Variants in LRRC3C observed in about 807,000 individuals in gnomAD.
LRRC3C encodes the protein leucine-rich repeat-containing protein 3C.
LRRC3C carries 11 observed loss-of-function variants against 14.8 expected under a neutral mutation model. The ratio of observed to expected loss-of-function variants is 0.74; its 90% CI spans 0.47 to 1.23. LRRC3C has a LOEUF of 1.23. LRRC3C is among the 50% of genes most tolerant of loss of function. The probability of loss-of-function intolerance (pLI) is 0.00; values close to 1 mark genes in which losing one functional copy is unlikely to be tolerated. For synonymous variants in LRRC3C, 149 were observed against 161.5 expected (o/e 0.92, Z 0.59); for missense variants, 354 against 361.8 (o/e 0.98, Z 0.18).
At chr17:39,933,715 A>C (rs1194764439) in intron 1 of LRRC3C, among the ~76,000 whole-genome samples, 1 of 152,262 alleles carries the variant, frequency 6.6e-6, no homozygotes, top group Admixed American at 6.5e-5. Flanking sequence ...CCTGGGCGAC[A>C]GAGCAAGACT....
intron 3 of LRRC3C, among the ~76,000 whole-genome samples, chr17:39,942,886 G>T (rs772364483): frequency 6.6e-6 from 1 of 152,186 alleles, no homozygotes; most frequent in Non-Finnish European, 1.5e-5. Flanking sequence ...AGTTCTGCCC[G>T]CCAGGCCTGC....
chr17:39,943,879 G>A, intron 3 of LRRC3C, 54 bp from the exon 4 acceptor site: 1 of 1,508,760 alleles, frequency 6.6e-7, no homozygotes, highest in Non-Finnish European at 8.9e-7. Flanking sequence ...GCTGGCAGTG[G>A]GGCATGCGAT....
In LRRC3C at chr17:39,944,604, T is replaced by C; in HGVS notation, c.698T>C (p.Leu233Pro). Reference protein sequence around the residue: ...VALLVTMGGWLTLMVAYLVHY... With the variant: ...VALLVTMGGWPTLMVAYLVHY... ...CTGCTGGTCACCATGGGGGGCTGGCTGACACTCATGGTGGCTTATCTGGTG... is the reference window on the plus strand; with the variant it reads ...CTGCTGGTCACCATGGGGGGCTGGCCGACACTCATGGTGGCTTATCTGGTG... Residue 233 changes from leucine (L) to proline (P), a missense_variant, in exon 4 of 4, where the codon CTG becomes CCG. Transcript: ENST00000377924. 1 of 1,535,742 alleles carries C rather than the reference T, an allele frequency of 6.5e-7. No homozygotes were observed. Among genetic ancestry groups the C allele is most frequent in the Middle Eastern group, 1.7e-4 (1 of 5,990 alleles).
Position 39,935,814 on chromosome 17 carries a change from G to T in LRRC3C, c.-162G>T, listed in dbSNP as rs1978780642. ...CTCTTTTCTACAGGGAACAACAATA[G>T]CAGAGGCCTTTGTTGCCCTCTCCGC... is the stretch of plus-strand genomic sequence containing the variant. On this transcript the variant is annotated 5_prime_UTR_variant, in exon 2 of 4. An upstream open reading frame in the 5' UTR loses its in-frame stop. Transcript: ENST00000377924. 2.0e-6 allele frequency: 2 copies of T among 985,294 alleles called. No individual in the cohort carries two copies. Among genetic ancestry groups the T allele is most frequent in the Non-Finnish European group, 2.4e-6 (2 of 829,932 alleles). 61.0% of individuals were successfully genotyped at this position (985,294 alleles called of 1,614,324 possible).
At chr17:39,941,417 A>T in intron 2 of LRRC3C, 26 bp from the exon 3 acceptor site, 1 of 752,910 alleles carries the variant, frequency 1.3e-6, no homozygotes, top group South Asian at 1.7e-5. Flanking sequence ...CCCCCCACAC[A>T]CACCCCATTT....
At chr17:39,938,531 C>A (rs1234089990) in intron 2 of LRRC3C, among the ~76,000 whole-genome samples, 2 of 106,370 alleles carry the variant, frequency 1.9e-5, no homozygotes, top group Non-Finnish European at 1.9e-5. Flanking sequence ...ACCCTCATCT[C>A]TACAAAAAAA....
At chr17:39,942,132 A>T (rs1978958138) in intron 3 of LRRC3C, among the ~76,000 whole-genome samples, 1 of 152,210 alleles carries the variant, frequency 6.6e-6, no homozygotes, top group Non-Finnish European at 1.5e-5. Context: ...TAATGAAATC[A>T]TGGAGGAAGA....
chr17:39,934,674 A>G (rs536209206), intron 1 of LRRC3C: 2 of 152,366 alleles, frequency 1.3e-5, no homozygotes, highest in South Asian at 2.1e-4. Context: ...AGGGGTCCCG[A>G]TCCAGACACC....
intron 2 of LRRC3C, among the ~76,000 whole-genome samples, chr17:39,941,153 C>A (rs1003156623): frequency 1.8e-4 from 28 of 151,776 alleles, no homozygotes; most frequent in African/African-American, 6.0e-4. Flanking sequence ...AGTTCAAGAC[C>A]AGCCTGGCCA....
chr17:39,927,843 G>T, intron 1 of LRRC3C, 29 bp downstream of exon 1: 10 of 985,598 alleles, frequency 1.0e-5, no homozygotes, highest in Non-Finnish European at 1.2e-5. Flanking sequence ...TTTTGCTTCT[G>T]TGCCCTTCAA....
At chr17:39,934,067 C>G (rs565526117) in intron 1 of LRRC3C, among the ~76,000 whole-genome samples, 6 of 152,202 alleles carry the variant, frequency 3.9e-5, no homozygotes, top group Admixed American at 1.3e-4. Context: ...CTGGCAGCAT[C>G]GCCAGCGGGC....
At chr17:39,942,788 G>A (rs1338317130) in intron 3 of LRRC3C, among the ~76,000 whole-genome samples, 5 of 152,202 alleles carry the variant, frequency 3.3e-5, no homozygotes, top group East Asian at 1.9e-4. Flanking sequence ...GCCATGGCGT[G>A]AAAGAATGGC....
chr17:39,933,323 C>T (rs186358441), intron 1 of LRRC3C, among the ~76,000 whole-genome samples: 56 of 152,136 alleles, frequency 3.7e-4, no homozygotes, highest in African/African-American at 1.2e-3. Context: ...GAGTGGTGAT[C>T]GGGCCTCTGC....
At chr17:39,939,413 C>T in intron 2 of LRRC3C, 1 of 985,390 alleles carries the variant, frequency 1.0e-6, no homozygotes, top group Non-Finnish European at 1.2e-6. Flanking sequence ...TCCCTCCAGA[C>T]CATCAATTCT....
chr17:39,938,003 G>A (rs1447579547), intron 2 of LRRC3C, among the ~76,000 whole-genome samples: 1 of 152,070 alleles, frequency 6.6e-6, no homozygotes, highest in East Asian at 1.9e-4. Context: ...ATAGTGGCGT[G>A]TGCCTGTAAT....
intron 3 of LRRC3C, among the ~76,000 whole-genome samples, chr17:39,941,919 C>G (rs138981440): frequency 2.0e-5 from 3 of 152,084 alleles, no homozygotes; most frequent in Admixed American, 1.3e-4. Flanking sequence ...ATCCCAGCAC[C>G]GAACTGGAGA....
chr17:39,935,043 C>A (rs1435136630), intron 1 of LRRC3C, among the ~76,000 whole-genome samples: 2 of 152,224 alleles, frequency 1.3e-5, no homozygotes, highest in Non-Finnish European at 1.5e-5. Context: ...CCTGGTTTAT[C>A]AGCAAGGTCT....
At chr17:39,933,642 A>G (rs1978714465) in intron 1 of LRRC3C, among the ~76,000 whole-genome samples, 2 of 152,284 alleles carry the variant, frequency 1.3e-5, no homozygotes, top group East Asian at 3.9e-4. Context: ...CTGAGGCAGG[A>G]GAATGGCGTG....
chr17:39,938,345 T>C (rs1978854075), intron 2 of LRRC3C, among the ~76,000 whole-genome samples: 1 of 152,090 alleles, frequency 6.6e-6, no homozygotes, highest in African/African-American at 2.4e-5. Flanking sequence ...TCAGTAATAC[T>C]CAACCCTCCC....
Sources: gnomAD v4.1 joint callset for allele counts (sites outside exome capture counted in the v4.1 genomes callset) on GRCh38, gnomAD v4.1.1 for gene constraint, MANE v1.5 for transcripts, NCBI Gene and HGNC (gene_info 2026-07-23, HGNC 2026-07-21) for gene names.